Variants in TIAM2 observed in about 807,000 individuals in gnomAD.
The protein encoded by TIAM2 is rho guanine nucleotide exchange factor TIAM2.
A neutral mutation model predicts 152.9 loss-of-function variants in TIAM2; 80 were observed. That is an observed-to-expected ratio of 0.52 (90% CI 0.44 to 0.63). TIAM2 has a LOEUF of 0.63. Ranked by LOEUF, TIAM2 falls within the 30% of genes least tolerant of loss-of-function variation. The pLI is 0.00. For missense variants in TIAM2, 1,965 were observed against 2,120.1 expected, an observed-to-expected ratio of 0.93 and a Z score of 1.44; for synonymous variants, 804 against 838.0, an observed-to-expected ratio of 0.96 and a Z score of 0.70.
intron 1 of TIAM2, among the ~76,000 whole-genome samples, chr6:155,057,564 T>TTTTG (rs1777483429): frequency 7.6e-6 from 1 of 130,968 alleles, no homozygotes; most frequent in African/African-American, 2.9e-5. Context: ...TTTTTTTTTT[T>TTTTG]GAGACAGAGG....
intron 1 of TIAM2, among the ~76,000 whole-genome samples, chr6:155,011,530 C>G (rs1410773383): frequency 2.0e-5 from 3 of 152,088 alleles, no homozygotes; most frequent in African/African-American, 7.2e-5. Context: ...TGTCTCAATG[C>G]ACACTTCCTT....
At chr6:155,106,016 T>TATTTTATTTA (rs1778679310) in intron 2 of TIAM2, among the ~76,000 whole-genome samples, 1 of 151,416 alleles carries the variant, frequency 6.6e-6, no homozygotes, top group African/African-American at 2.4e-5. Context: ...TATTTTATTT[T>TATTTTATTTA]ATTTTTTTGA....
At chr6:155,165,002 T>C (rs1780384556) in intron 8 of TIAM2, among the ~76,000 whole-genome samples, 1 of 152,078 alleles carries the variant, frequency 6.6e-6, no homozygotes, top group Non-Finnish European at 1.5e-5. Flanking sequence ...GTGGCTTCTG[T>C]GTGTTGTGTT....
intron 2 of TIAM2, among the ~76,000 whole-genome samples, chr6:155,121,444 A>G (rs553917205): frequency 1.3e-5 from 2 of 152,324 alleles, no homozygotes; most frequent in East Asian, 3.9e-4. Context: ...GCAAATGAGG[A>G]AAAAGAAATT....
At chr6:155,073,182 A>G (rs1278477512) in intron 1 of TIAM2, among the ~76,000 whole-genome samples, 2 of 25,190 alleles carry the variant, frequency 7.9e-5, no homozygotes, top group African/African-American at 4.3e-4. Flanking sequence ...TTTTTTTTTT[A>G]GACTAAGTCT....
At chr6:155,160,293 C>T (rs1780235521) in intron 7 of TIAM2, among the ~76,000 whole-genome samples, 1 of 152,186 alleles carries the variant, frequency 6.6e-6, no homozygotes, top group Non-Finnish European at 1.5e-5. Context: ...AGTTTGAAGG[C>T]TGTCAGGCAG....
chr6:155,193,412 A>C (rs1428349406), intron 14 of TIAM2, among the ~76,000 whole-genome samples: 2 of 149,676 alleles, frequency 1.3e-5, no homozygotes, highest in Non-Finnish European at 3.0e-5. Flanking sequence ...TCAAAAAAAA[A>C]TGTCACACTC....
chr6:155,154,139 T>C lies in TIAM2; in HGVS notation c.2028+5805T>C, dbSNP rs528513948. ...CTCTAAACTTCCTTTTAAAAATATC[T>C]GTAAAAGAGCAGTGCTTTATCCACT... On this transcript the variant is annotated intron_variant, in intron 7 of 26. Transcript: ENST00000682666. Among the ~76,000 whole-genome samples, 3 of 152,370 alleles carry C rather than the reference T, an allele frequency of 2.0e-5. No individual in the cohort carries two copies. In the South Asian group the frequency reaches 6.2e-4, roughly 32 times the overall value.
chr6:155,172,659 T>TATATATATATATAGATATATAG (rs1562340997), intron 9 of TIAM2, among the ~76,000 whole-genome samples: 11 of 9,026 alleles, frequency 1.2e-3, no homozygotes, highest in African/African-American at 3.1e-3. Flanking sequence ...TATATATATA[T>TATATATATATATAGATATATAG]ATATATATAT....
intron 1 of TIAM2, among the ~76,000 whole-genome samples, chr6:155,005,656 CTTTT>C (rs1158345350): frequency 7.9e-6 from 1 of 126,590 alleles, no homozygotes; most frequent in South Asian, 2.6e-4. Context: ...GAATTCTTTA[CTTTT>C]TTTTTTTTTT....
chr6:155,067,834 C>G (rs2114948489), intron 1 of TIAM2, among the ~76,000 whole-genome samples: 1 of 152,090 alleles, frequency 6.6e-6, no homozygotes, highest in African/African-American at 2.4e-5. Flanking sequence ...TAGTGACGGG[C>G]TTTTCCCATG....
At chr6:155,217,047 G>C in intron 15 of TIAM2, 1 of 1,289,336 alleles carries the variant, frequency 7.8e-7, no homozygotes, top group Non-Finnish European at 1.0e-6. Context: ...CGTTCTCCCA[G>C]AGGGAGCAGG....
At chr6:155,222,624 AAAAAACAC>A in intron 15 of TIAM2, among the ~76,000 whole-genome samples, 1 of 84,004 alleles carries the variant, frequency 1.2e-5, no homozygotes, top group Non-Finnish European at 2.6e-5. Flanking sequence ...AAACAAAAAA[AAAAAACAC>A]AAAAAAAACC....
intron 24 of TIAM2, 132 bp from the exon 25 acceptor site, chr6:155,253,841 C>A: frequency 1.5e-6 from 1 of 647,520 alleles, no homozygotes; most frequent in Non-Finnish European, 2.6e-6. Flanking sequence ...TAGAACAAGC[C>A]ACAGAAGAAA....
intron 1 of TIAM2, among the ~76,000 whole-genome samples, chr6:155,086,378 T>C (rs938343399): frequency 4.6e-5 from 7 of 152,176 alleles, no homozygotes; most frequent in Admixed American, 1.3e-4. Flanking sequence ...GCTTAAATAT[T>C]CTATAATCCT....
chr6:155,204,650 A>ATCC (rs1781554377), intron 14 of TIAM2, among the ~76,000 whole-genome samples: 1 of 152,190 alleles, frequency 6.6e-6, no homozygotes, highest in Non-Finnish European at 1.5e-5. Flanking sequence ...AGAGTATTAA[A>ATCC]AATCAATGTA....
chr6:155,160,981 G>A, intron 7 of TIAM2, among the ~76,000 whole-genome samples: 1 of 152,144 alleles, frequency 6.6e-6, no homozygotes, highest in Non-Finnish European at 1.5e-5. Context: ...CAAACGTCTT[G>A]ATTTTTATAA....
chr6:155,080,992 C>T (rs774853927), intron 1 of TIAM2, among the ~76,000 whole-genome samples: 4 of 152,158 alleles, frequency 2.6e-5, no homozygotes, highest in African/African-American at 4.8e-5. Flanking sequence ...CAGCTAAGCT[C>T]ATGCCTCTGA....
chr6:155,062,173 C>T (rs950316340), intron 1 of TIAM2, among the ~76,000 whole-genome samples: 5 of 145,848 alleles, frequency 3.4e-5, no homozygotes, highest in African/African-American at 5.0e-5. Flanking sequence ...GTAGACTGCT[C>T]TTTTTCATTG....
Sources: allele counts gnomAD v4.1 joint callset (sites outside exome capture counted in the v4.1 genomes callset), GRCh38; gene constraint gnomAD v4.1.1; transcripts MANE v1.5; gene names NCBI Gene and HGNC (gene_info 2026-07-23, HGNC 2026-07-21).